The following TBX20 variants were observed in gnomAD, a reference collection of about 807,000 sequenced individuals.
TBX20 encodes T-box transcription factor TBX20.
In TBX20, 8 loss-of-function variants were observed where a neutral mutation model predicts 42.9. The observed-to-expected ratio is 0.19, with a 90% CI of 0.11 to 0.34. TBX20 has a LOEUF of 0.34. TBX20 is among the 10% of genes least tolerant of loss of function. TBX20 has a pLI of 1.00. For synonymous variants in TBX20, 198 were observed against 222.8 expected, an observed-to-expected ratio of 0.89 and a Z score of 0.99; for missense variants, 411 against 566.0, an observed-to-expected ratio of 0.73 and a Z score of 2.78.
rs2109090 is a variant in TBX20 at position 35,231,376 on chromosome 7, G to A, written c.890+128C>T. The stretch of plus-strand genomic sequence containing the variant: ...CAGTTGCATATGTACAAGGAATGGG[G>A]TGCAGAGAATAGAAGACTATATATA... On this transcript the variant is annotated intron_variant, in intron 6 of 7. Coordinates refer to ENST00000408931, the MANE Select transcript of TBX20 (RefSeq NM_001077653.2). The A allele has an allele frequency of 0.38, 263,758 of 701,554 alleles. 51,320 individuals carry two copies. Among genetic ancestry groups the A allele is most frequent in the Admixed American group, 0.5 (23,938 of 47,930 alleles). 43.5% of individuals were successfully genotyped at this position (701,554 alleles called of 1,614,324 possible).
intron 3 of TBX20, among the ~76,000 whole-genome samples, chr7:35,246,657 G>T (rs1395217322): frequency 2.0e-5 from 3 of 152,034 alleles, no homozygotes; most frequent in Non-Finnish European, 4.4e-5. Flanking sequence ...TTCCGATTAG[G>T]AATGACTGAC....
intron 7 of TBX20, among the ~76,000 whole-genome samples, chr7:35,203,572 G>T (rs1360036438): frequency 1.3e-5 from 2 of 152,170 alleles, no homozygotes; most frequent in East Asian, 3.8e-4. Context: ...AATACAGAAT[G>T]TAATACATGT....
At chr7:35,248,945 G>T in intron 2 of TBX20, 104 bp from the exon 3 acceptor site, 2 of 1,364,696 alleles carry the variant, frequency 1.5e-6, no homozygotes, top group Non-Finnish European at 2.1e-6. Context: ...GAAAGGGTCT[G>T]ACTCCCCTCT....
chr7:35,203,643 T>C (rs35110582), intron 7 of TBX20, among the ~76,000 whole-genome samples: 1 of 152,228 alleles, frequency 6.6e-6, no homozygotes, highest in South Asian at 2.1e-4. Flanking sequence ...TGATCAACAG[T>C]AGGCTATTAG....
chr7:35,236,884 T>C (rs1270338681), intron 5 of TBX20, among the ~76,000 whole-genome samples: 1 of 151,956 alleles, frequency 6.6e-6, no homozygotes, highest in Non-Finnish European at 1.5e-5. Context: ...AAAGAATAGC[T>C]GGGCACTGAT....
chr7:35,251,951 T>C (rs1435682440), intron 1 of TBX20, among the ~76,000 whole-genome samples: 1 of 152,174 alleles, frequency 6.6e-6, no homozygotes, highest in East Asian at 1.9e-4. Context: ...TTTATACTAG[T>C]GCCTATATGT....
At position 35,216,994 on chromosome 7, in the gene TBX20, C is replaced by T. The variant is rs953144318; in HGVS notation, c.891-12412G>A. ...TACTGGAAGACAATGTATCAATATTCGTAACTTCCACGAAATATTTAATAA... is the reference window on the plus strand; with the variant it reads ...TACTGGAAGACAATGTATCAATATTTGTAACTTCCACGAAATATTTAATAA... On this transcript the variant is annotated intron_variant, in intron 6 of 7. Coordinates refer to ENST00000408931, the MANE Select transcript of TBX20 (RefSeq NM_001077653.2). 1.2e-4 allele frequency among the ~76,000 whole-genome samples: 18 copies of T among 152,030 alleles called. 1 individual carries two copies. In the South Asian group the frequency reaches 1.5e-3, roughly 12 times the overall value.
intron 5 of TBX20, among the ~76,000 whole-genome samples, chr7:35,233,098 T>TA (rs1325714594): frequency 3.3e-5 from 5 of 152,210 alleles, no homozygotes; most frequent in Admixed American, 3.3e-4. Context: ...TAGAACACTT[T>TA]AAACTGTTAA....
At chr7:35,231,074 T>G (rs528806464) in intron 6 of TBX20, among the ~76,000 whole-genome samples, 33 of 152,314 alleles carry the variant, frequency 2.2e-4, no homozygotes, top group African/African-American at 7.7e-4. Flanking sequence ...GACCTTGAAT[T>G]AAATTACATC....
chr7:35,234,376 T>C (rs1469582850), intron 5 of TBX20, among the ~76,000 whole-genome samples: 1 of 152,198 alleles, frequency 6.6e-6, no homozygotes, highest in East Asian at 1.9e-4. Flanking sequence ...TCTCCAGTGC[T>C]CTAATACCAC....
chr7:35,251,672 T>C (rs1790308017), intron 1 of TBX20, among the ~76,000 whole-genome samples: 1 of 152,152 alleles, frequency 6.6e-6, no homozygotes, highest in East Asian at 1.9e-4. Flanking sequence ...GAAAATGAAA[T>C]AGAAATGCTT....
Position 35,250,190 on chromosome 7 carries a change from C to T in TBX20, c.141G>A (p.Glu47=), listed in dbSNP as rs1790278037. The change falls in exon 2 of 8, where the codon GAG becomes GAA. Residue 47 remains glutamate (E), a synonymous_variant. Coordinates refer to ENST00000408931, the MANE Select transcript of TBX20 (RefSeq NM_001077653.2). ...NTIKPLEQFV[E]KSSCAQPLGE... is the part of the protein sequence containing the mutation. ...CCAGGGGCTGGGCACAGGACGACTT[C>T]TCCACAAATTGCTCTGGAGGTAAAG... The T allele has an allele frequency of 1.2e-6, 2 of 1,614,006 alleles. No homozygotes were observed. Among genetic ancestry groups the T allele is most frequent in the Non-Finnish European group, 1.7e-6 (2 of 1,180,030 alleles).
rs1474884170 is a variant in TBX20, at chr7:35,253,685, G to A, written c.-65C>T. On this transcript the variant is annotated 5_prime_UTR_variant, in exon 1 of 8. Transcript: ENST00000408931. ...CGAACTGCCGTCCAGATTCCCCAAG[G>A]GAGACAAAGACCCGAAACACAGCTC... 5 of 1,581,156 alleles carry A rather than the reference G, an allele frequency of 3.2e-6. No homozygotes were observed. Among genetic ancestry groups the A allele is most frequent in the Non-Finnish European group, 4.3e-6 (5 of 1,167,186 alleles).
chr7:35,251,816 T>C (rs1329689679), intron 1 of TBX20, among the ~76,000 whole-genome samples: 2 of 152,254 alleles, frequency 1.3e-5, no homozygotes, highest in Admixed American at 6.5e-5. Context: ...ACAGAACTTT[T>C]AGGTGTTTCT....
chr7:35,242,214 G>GAT (rs1165000966), intron 4 of TBX20, among the ~76,000 whole-genome samples: 1 of 152,164 alleles, frequency 6.6e-6, no homozygotes, highest in Non-Finnish European at 1.5e-5. Flanking sequence ...TGGGATAACT[G>GAT]ATATATAATC....
At chr7:35,217,501 C>T (rs1435417726) in intron 6 of TBX20, among the ~76,000 whole-genome samples, 1 of 152,156 alleles carries the variant, frequency 6.6e-6, no homozygotes, top group Non-Finnish European at 1.5e-5. Flanking sequence ...TGGTCCGGCA[C>T]TTCCAGTTCA....
At chr7:35,225,749 T>G (rs1336870248) in intron 6 of TBX20, among the ~76,000 whole-genome samples, 2 of 152,234 alleles carry the variant, frequency 1.3e-5, no homozygotes, top group Non-Finnish European at 2.9e-5. Flanking sequence ...AACACGAGCC[T>G]AAGCTAAATT....
In TBX20 at chr7:35,248,761, G is replaced by A. The variant is rs112862467; in HGVS notation, c.461C>T (p.Pro154Leu). The A allele has an allele frequency of 1.2e-6, 2 of 1,614,080 alleles. No homozygotes were observed. Among genetic ancestry groups the A allele is most frequent in the African/African-American group, 1.3e-5 (1 of 74,916 alleles). Reference protein sequence around the residue: ...AKYIVLMDIVPVDNKRYRYAY... With the variant: ...AKYIVLMDIVLVDNKRYRYAY... ...GTAGCGGTACCTCTTGTTGTCCACA[G>A]GGACGATGTCCATCAGGACTATGTA... is the stretch of plus-strand genomic sequence containing the variant. The change falls in exon 3 of 8, where the codon CCT (proline) becomes CTT (leucine). Residue 154 changes from proline to leucine, a missense_variant. Pro to Leu is a moderately conservative substitution (Grantham distance 98, BLOSUM62 -3). Transcript: ENST00000408931.
In TBX20 at chr7:35,253,958, G is replaced by A. The variant is rs1402898456; in HGVS notation, c.-338C>T. ...GAGCATCAACTGCACAAAGTCCTGG[G>A]GTCCTGGAGCATCCCCTCCGCGTCC... On this transcript the variant is annotated 5_prime_UTR_variant, in exon 1 of 8. Transcript: ENST00000408931. 8.5e-6 allele frequency: 2 copies of A among 235,692 alleles called. No individual in the cohort carries two copies. Among genetic ancestry groups the A allele is most frequent in the East Asian group, 2.0e-4 (2 of 9,922 alleles). 14.6% of individuals were successfully genotyped at this position (235,692 alleles called of 1,614,324 possible).
Sources: allele counts gnomAD v4.1 joint callset (sites outside exome capture counted in the v4.1 genomes callset), GRCh38; gene constraint gnomAD v4.1.1; transcripts MANE v1.5; gene names NCBI Gene and HGNC (gene_info 2026-07-23, HGNC 2026-07-21).